GPC5: variants seen among roughly 807,000 people sequenced by gnomAD.
GPC5 encodes glypican-5.
In GPC5, 47 loss-of-function variants were observed where a neutral mutation model predicts 53.9. The ratio of observed to expected loss-of-function variants is 0.87; its 90% CI spans 0.69 to 1.11. GPC5 has a LOEUF of 1.11. Ranked by LOEUF, GPC5 falls within the 50% of genes most tolerant of loss-of-function variation. The pLI is 0.00. For missense variants in GPC5, 748 were observed against 713.1 expected (o/e 1.05, Z -0.56); for synonymous variants, 286 against 263.3 (o/e 1.09, Z -0.84).
At chr13:91,992,870 C>T (rs1401642042) in intron 6 of GPC5, among the ~76,000 whole-genome samples, 3 of 152,078 alleles carry the variant, frequency 2.0e-5, no homozygotes. Context: ...CAGAAGACTC[C>T]TGATTGTAGT....
intron 7 of GPC5, among the ~76,000 whole-genome samples, chr13:92,637,783 AAATC>A (rs1470958330): frequency 6.6e-6 from 1 of 152,186 alleles, no homozygotes; most frequent in Non-Finnish European, 1.5e-5. Context: ...AAGAGAAAAA[AAATC>A]AAGAGAAACA....
intron 7 of GPC5, among the ~76,000 whole-genome samples, chr13:92,802,085 T>C (rs1365203040): frequency 1.3e-5 from 2 of 151,242 alleles, no homozygotes; most frequent in Admixed American, 6.6e-5. Flanking sequence ...CCCAGAGCAA[T>C]TACCAGTCCT....
chr13:91,991,446 A>G (rs1187712472), intron 6 of GPC5, among the ~76,000 whole-genome samples: 1 of 152,234 alleles, frequency 6.6e-6, no homozygotes, highest in African/African-American at 2.4e-5. Flanking sequence ...GTAGTTATAC[A>G]TACTTACTAG....
intron 6 of GPC5, among the ~76,000 whole-genome samples, chr13:92,134,312 C>T (rs1364378055): frequency 6.6e-6 from 1 of 152,092 alleles, no homozygotes; most frequent in Admixed American, 6.6e-5. Context: ...TACCAGTGCC[C>T]TTACTTGTCA....
chr13:92,620,233 AG>A (rs1379292872), intron 7 of GPC5, among the ~76,000 whole-genome samples: 1 of 152,156 alleles, frequency 6.6e-6, no homozygotes, highest in Admixed American at 6.5e-5. Context: ...TAGAAACTCA[AG>A]AAAAAACTTT....
At chr13:92,233,599 A>G (rs1248317360) in intron 7 of GPC5, among the ~76,000 whole-genome samples, 1 of 152,146 alleles carries the variant, frequency 6.6e-6, no homozygotes, top group Non-Finnish European at 1.5e-5. Flanking sequence ...TGCTATATGC[A>G]TTATTCTTTC....
chr13:92,076,303 A>G (rs1594754137), intron 6 of GPC5, among the ~76,000 whole-genome samples: 1 of 151,962 alleles, frequency 6.6e-6, no homozygotes, highest in African/African-American at 2.4e-5. Flanking sequence ...GATGGTCTCG[A>G]TCTCTTGACC....
In GPC5 at chr13:91,952,348, G is replaced by T. The variant is rs559804334; in HGVS notation, c.1401+44291G>T. On this transcript the variant is annotated intron_variant, in intron 6 of 7. Transcript: ENST00000377067. The stretch of plus-strand genomic sequence containing the variant: ...GAAAAACAAATGCAGGCTCAGTGAT[G>T]TTAAGTAATGTACCTGTTTACCCTG... Among the ~76,000 whole-genome samples the T allele has an allele frequency of 4.0e-4, 61 of 152,272 alleles. No homozygotes were observed. In the South Asian group the frequency reaches 0.012, roughly 31 times the overall value.
intron 4 of GPC5, among the ~76,000 whole-genome samples, chr13:91,730,437 GT>G (rs879461376): frequency 2.6e-5 from 4 of 152,078 alleles, no homozygotes; most frequent in Non-Finnish European, 5.9e-5. Context: ...CTTCCACTTG[GT>G]TGTAATTACT....
intron 2 of GPC5, among the ~76,000 whole-genome samples, chr13:91,578,879 C>G (rs930889960): frequency 2.0e-5 from 3 of 151,768 alleles, no homozygotes; most frequent in African/African-American, 4.8e-5. Context: ...AAACCGGTCT[C>G]TATAAAAACA....
chr13:91,727,290 A>G lies in GPC5; in HGVS notation c.1021-1242A>G, dbSNP rs575524847. Among the ~76,000 whole-genome samples, 9 of 152,304 alleles carry G rather than the reference A, an allele frequency of 5.9e-5. No individual in the cohort carries two copies. In the South Asian group the frequency reaches 1.9e-3, roughly 32 times the overall value. On this transcript the variant is annotated intron_variant, in intron 3 of 7. Coordinates refer to ENST00000377067, the MANE Select transcript of GPC5 (RefSeq NM_004466.6). ...TCCAAGTCTCATCCCGATGGATAGTAGCCTTTCCCGGGGTAGTCTTTGCTG... is the reference window on the plus strand; with the variant it reads ...TCCAAGTCTCATCCCGATGGATAGTGGCCTTTCCCGGGGTAGTCTTTGCTG...
At chr13:92,050,832 T>C (rs527237831) in intron 6 of GPC5, among the ~76,000 whole-genome samples, 2 of 152,312 alleles carry the variant, frequency 1.3e-5, no homozygotes, top group African/African-American at 4.8e-5. Context: ...TAAGAAAACA[T>C]AGCTTCAAGG....
chr13:91,967,304 C>G (rs1250100139), intron 6 of GPC5, among the ~76,000 whole-genome samples: 2 of 152,092 alleles, frequency 1.3e-5, no homozygotes, highest in African/African-American at 2.4e-5. Context: ...ATTATGGGAG[C>G]TACAATTCAA....
At chr13:92,827,822 G>C (rs1177829932) in intron 7 of GPC5, among the ~76,000 whole-genome samples, 4 of 152,102 alleles carry the variant, frequency 2.6e-5, no homozygotes, top group Non-Finnish European at 5.9e-5. Flanking sequence ...AGATGGAAGA[G>C]AGCCAGAAAT....
chr13:91,627,600 A>G (rs1207956390), intron 2 of GPC5, among the ~76,000 whole-genome samples: 1 of 152,106 alleles, frequency 6.6e-6, no homozygotes, highest in Non-Finnish European at 1.5e-5. Flanking sequence ...ATAATAATAA[A>G]AAGGATTATT....
intron 2 of GPC5, among the ~76,000 whole-genome samples, chr13:91,606,350 T>G (rs9515954): frequency 9.5e-5 from 14 of 147,042 alleles, no homozygotes; most frequent in Admixed American, 3.4e-4. Flanking sequence ...TGCTGGATTC[T>G]GTTTGCCAGT....
At chr13:92,385,321 C>CATATATACATATATACAT (rs1566567113) in intron 7 of GPC5, among the ~76,000 whole-genome samples, 2 of 128,586 alleles carry the variant, frequency 1.6e-5, no homozygotes, top group African/African-American at 3.2e-5. Context: ...TATATATATA[C>CATATATACATATATACAT]ATATATACAT....
At chr13:92,748,311 T>TTA (rs1889289253) in intron 7 of GPC5, among the ~76,000 whole-genome samples, 2 of 142,352 alleles carry the variant, frequency 1.4e-5, no homozygotes, top group South Asian at 2.2e-4. Context: ...TGCATTTTAT[T>TTA]TTATTATTAT....
intron 3 of GPC5, 45 bp downstream of exon 3, chr13:91,693,926 A>G: frequency 7.2e-7 from 1 of 1,387,640 alleles, no homozygotes; most frequent in South Asian, 1.3e-5. Context: ...TTGTAATTCA[A>G]ATATTAGCCA....
Sources: gnomAD v4.1 joint callset for allele counts (sites outside exome capture counted in the v4.1 genomes callset) on GRCh38, gnomAD v4.1.1 for gene constraint, MANE v1.5 for transcripts, NCBI Gene and HGNC (gene_info 2026-07-23, HGNC 2026-07-21) for gene names.